Variants in DNAH7 observed in about 807,000 individuals in gnomAD.
DNAH7 encodes the protein dynein axonemal heavy chain 7, also known as axonemal beta dynein heavy chain 7.
In DNAH7, 397 loss-of-function variants were observed where a neutral mutation model predicts 444.6. The observed-to-expected ratio is 0.89, with a 90% CI of 0.82 to 0.97. The LOEUF (loss-of-function observed/expected upper bound fraction) is 0.97, where lower values mean the gene tolerates loss of function less well. DNAH7 is among the 50% of genes least tolerant of loss of function. The pLI, the probability that DNAH7 is intolerant of heterozygous loss-of-function variation, is 0.00. For synonymous variants in DNAH7, 1,636 were observed against 1,624.4 expected, an observed-to-expected ratio of 1.01 and a Z score of -0.17; for missense variants, 4,902 against 4,800.8, an observed-to-expected ratio of 1.02 and a Z score of -0.62.
At chr2:195,778,677 C>CACACATATATATACACATAAATATAT (rs1695215872) in intron 58 of DNAH7, among the ~76,000 whole-genome samples, 2 of 76,928 alleles carry the variant, frequency 2.6e-5, no homozygotes, top group South Asian at 4.1e-4. Context: ...TATACACACA[C>CACACATATATATACACATAAATATAT]ACACATATAT....
chr2:195,842,288 GT>G (rs985464437), intron 47 of DNAH7, among the ~76,000 whole-genome samples: 1 of 151,936 alleles, frequency 6.6e-6, no homozygotes, highest in Non-Finnish European at 1.5e-5. Flanking sequence ...AGCCCCAAAA[GT>G]TAATTATATT....
intron 9 of DNAH7, among the ~76,000 whole-genome samples, chr2:196,014,159 C>T (rs967050376): frequency 6.6e-6 from 1 of 152,184 alleles, no homozygotes; most frequent in Non-Finnish European, 1.5e-5. Flanking sequence ...TACTACCAGA[C>T]ACTGTTCTTG....
At chr2:195,962,115 G>C (rs1271523436) in intron 17 of DNAH7, among the ~76,000 whole-genome samples, 1 of 152,148 alleles carries the variant, frequency 6.6e-6, no homozygotes, top group African/African-American at 2.4e-5. Flanking sequence ...ATGGACAGTT[G>C]AGAAGAGAAC....
In DNAH7 at chr2:195,957,292, GTCT is replaced by G. The variant is rs1690736211; in HGVS notation, c.3044_3046del (p.Lys1015del). The G allele has an allele frequency of 6.3e-7, 1 of 1,594,786 alleles. No individual in the cohort carries two copies. The highest frequency in any genetic ancestry group is 1.3e-5 in the African/African-American group (1 of 74,520). ...GACACTTCTCATTATATCTCTCCATGTCTTATCCACAGCTGTAAATCGTCTGCC... is the reference window on the plus strand; with the variant it reads ...GACACTTCTCATTATATCTCTCCATGTATCCACAGCTGTAAATCGTCTGCC... On this transcript the variant is annotated inframe_deletion, in exon 19 of 65. Transcript: ENST00000312428.
intron 57 of DNAH7, among the ~76,000 whole-genome samples, chr2:195,792,296 C>T (rs1026252406): frequency 6.6e-6 from 1 of 151,038 alleles, no homozygotes; most frequent in East Asian, 1.9e-4. Context: ...TCATTCATAT[C>T]CCAAACCTCA....
At chr2:195,949,825 T>C (rs1299701339) in intron 19 of DNAH7, among the ~76,000 whole-genome samples, 2 of 152,226 alleles carry the variant, frequency 1.3e-5, no homozygotes, top group Non-Finnish European at 1.5e-5. Context: ...ATGTTGAATT[T>C]TATCAAAGGT....
At chr2:196,013,175 T>G (rs192457931) in intron 9 of DNAH7, among the ~76,000 whole-genome samples, 2 of 152,268 alleles carry the variant, frequency 1.3e-5, no homozygotes, top group African/African-American at 4.8e-5. Context: ...TAGTTTAAAC[T>G]GGTTTTTGCT....
chr2:195,806,935 T>C (rs532632314), intron 53 of DNAH7, 103 bp from the exon 54 acceptor site: 21 of 775,514 alleles, frequency 2.7e-5, no homozygotes, highest in Non-Finnish European at 4.2e-5. Context: ...AAATCAAGAA[T>C]GCTTGTCTAA....
At chr2:195,843,426 TAAATA>T (rs958887278) in intron 47 of DNAH7, among the ~76,000 whole-genome samples, 9 of 152,192 alleles carry the variant, frequency 5.9e-5, no homozygotes, top group African/African-American at 1.4e-4. Context: ...TTTCTCTAAA[TAAATA>T]AAATAATTAA....
At chr2:196,035,147 A>G (rs576936786) in intron 5 of DNAH7, among the ~76,000 whole-genome samples, 15 of 152,250 alleles carry the variant, frequency 9.9e-5, no homozygotes, top group South Asian at 6.2e-4. Flanking sequence ...ACGCCACTGC[A>G]CTCCAGCCTG....
At chr2:195,939,200 T>C (rs1287959443) in intron 19 of DNAH7, among the ~76,000 whole-genome samples, 3 of 151,502 alleles carry the variant, frequency 2.0e-5, no homozygotes, top group Non-Finnish European at 4.4e-5. Context: ...CAAAATTGTC[T>C]GTTAGAAAGA....
In DNAH7 at chr2:195,972,281, G is replaced by T. The variant is rs1359496018; in HGVS notation, c.2019C>A (p.Ile673=). ...GATATTGTTCTATTTTCTCTTTAATGATTTTCCTGTGTTCTTCAAAAATTT... is the reference window on the plus strand; with the variant it reads ...GATATTGTTCTATTTTCTCTTTAATTATTTTCCTGTGTTCTTCAAAAATTT... ...MGEIFEEHRK[I]IKEKIEQYQE... The change falls in exon 16 of 65, where the codon ATC becomes ATA. Residue 673 remains isoleucine, a synonymous_variant. Coordinates refer to ENST00000312428, the MANE Select transcript of DNAH7 (RefSeq NM_018897.3). The T allele has an allele frequency of 3.1e-6, 5 of 1,613,792 alleles. No homozygotes were observed. In the African/African-American group the frequency reaches 5.3e-5, roughly 17 times the overall value.
chr2:195,989,687 G>A lies in DNAH7; in HGVS notation c.1354-1458C>T, dbSNP rs115579386. On this transcript the variant is annotated intron_variant, in intron 12 of 64. Coordinates refer to ENST00000312428, the MANE Select transcript of DNAH7 (RefSeq NM_018897.3). ...GCCTGGTGGGAGGTGTCTGGGTCAT[G>A]GGGGTGGATTCCTCATGGTTTGGTT... Among the ~76,000 whole-genome samples the A allele has an allele frequency of 7.7e-3, 1,179 of 152,270 alleles. 8 individuals are homozygous for A. The highest frequency in any genetic ancestry group is 0.013 in the Non-Finnish European group (855 of 68,014).
At chr2:195,835,207 T>A (rs1289218971) in intron 47 of DNAH7, among the ~76,000 whole-genome samples, 2 of 152,022 alleles carry the variant, frequency 1.3e-5, no homozygotes, top group African/African-American at 4.8e-5. Flanking sequence ...CAAGCTCTAA[T>A]CCTGGCCAAT....
At chr2:195,943,331 C>T (rs1004627380) in intron 19 of DNAH7, among the ~76,000 whole-genome samples, 2 of 152,044 alleles carry the variant, frequency 1.3e-5, no homozygotes, top group Non-Finnish European at 2.9e-5. Flanking sequence ...TTACTATTAC[C>T]GATGTCAGTC....
rs1553509788 is a variant in DNAH7, at chr2:195,737,722, G to GACTT, written c.*198_*199insAAGT. On this transcript the variant is annotated 3_prime_UTR_variant, in exon 65 of 65. Coordinates refer to ENST00000312428, the MANE Select transcript of DNAH7 (RefSeq NM_018897.3). Reference sequence around the variant, plus strand: ...CAAATATGCCAGTGTGTTTTCTTTAGTCTTTATTTCAGAACATTTCCTTAC... The same window carrying GACTT: ...CAAATATGCCAGTGTGTTTTCTTTAGACTTTCTTTATTTCAGAACATTTCCTTAC... 8.7e-6 allele frequency: 3 copies of GACTT among 346,216 alleles called. No homozygotes were observed. The highest frequency in any genetic ancestry group is 1.6e-5 in the Non-Finnish European group (3 of 185,840). The allele number at this position is 346,216 out of a possible 1,614,324, so 21.4% of individuals were successfully genotyped here.
At position 195,855,681 on chromosome 2, in the gene DNAH7, C is replaced by G. The variant is rs538120708; in HGVS notation, c.8595+130G>C. Reference sequence around the variant, plus strand: ...GAAAACAGGCGATGGGCAGATGTGGCCTGCGGGTCATAGTTTGCCAATCCC... The same window carrying G: ...GAAAACAGGCGATGGGCAGATGTGGGCTGCGGGTCATAGTTTGCCAATCCC... On this transcript the variant is annotated intron_variant, in intron 45 of 64. Coordinates refer to ENST00000312428, the MANE Select transcript of DNAH7 (RefSeq NM_018897.3). 50 of 936,612 alleles carry G rather than the reference C, an allele frequency of 5.3e-5. No individual in the cohort carries two copies. The African/African-American group carries it at 6.6e-4, about 12-fold the overall frequency. The allele number at this position is 936,612 out of a possible 1,614,324, so 58.0% of individuals were successfully genotyped here.
At chr2:195,996,308 G>A (rs879830700) in intron 12 of DNAH7, among the ~76,000 whole-genome samples, 7 of 152,166 alleles carry the variant, frequency 4.6e-5, no homozygotes, top group Non-Finnish European at 7.3e-5. Context: ...TTGTAGGCAA[G>A]AATGGACCAG....
At chr2:195,913,243 C>A (rs1316870055) in intron 24 of DNAH7, among the ~76,000 whole-genome samples, 1 of 151,894 alleles carries the variant, frequency 6.6e-6, no homozygotes, top group Admixed American at 6.6e-5. Context: ...GAGATAGGAA[C>A]CTGGAGTTAA....
Sources: allele counts gnomAD v4.1 joint callset (sites outside exome capture counted in the v4.1 genomes callset), GRCh38; gene constraint gnomAD v4.1.1; transcripts MANE v1.5; gene names NCBI Gene and HGNC (gene_info 2026-07-23, HGNC 2026-07-21).